ARHGAP21: variants seen among roughly 807,000 people sequenced by gnomAD.
ARHGAP21 encodes the protein rho GTPase-activating protein 21.
In ARHGAP21, 38 loss-of-function variants were observed where a neutral mutation model predicts 164.6. The ratio of observed to expected loss-of-function variants is 0.23; its 90% CI spans 0.18 to 0.30. The LOEUF (loss-of-function observed/expected upper bound fraction) is 0.30, where lower values mean the gene tolerates loss of function less well. Ranked by LOEUF, ARHGAP21 falls within the 10% of genes least tolerant of loss-of-function variation. The probability of loss-of-function intolerance (pLI) is 1.00; values close to 1 mark genes in which losing one functional copy is unlikely to be tolerated. For synonymous variants in ARHGAP21, 766 were observed against 857.9 expected (o/e 0.89, Z 1.87); for missense variants, 1,822 against 2,370.7 (o/e 0.77, Z 4.81).
intron 2 of ARHGAP21, among the ~76,000 whole-genome samples, chr10:24,699,509 G>A (rs1843457185): frequency 6.6e-6 from 1 of 151,936 alleles, no homozygotes; most frequent in Admixed American, 6.6e-5. Flanking sequence ...ATTTTTAGTA[G>A]AGATAGGGTT....
intron 2 of ARHGAP21, among the ~76,000 whole-genome samples, chr10:24,708,701 G>T (rs545479373): frequency 5.9e-5 from 9 of 152,258 alleles, no homozygotes; most frequent in South Asian, 2.1e-4. Context: ...TGCTTGGTTT[G>T]TTTCACTTAA....
intron 7 of ARHGAP21, among the ~76,000 whole-genome samples, chr10:24,623,624 A>C (rs989848490): frequency 1.3e-5 from 2 of 152,204 alleles, no homozygotes; most frequent in Admixed American, 1.3e-4. Flanking sequence ...TCTGGATGAG[A>C]GAATACTGTA....
intron 21 of ARHGAP21, among the ~76,000 whole-genome samples, chr10:24,594,353 A>T (rs1042512112): frequency 1.3e-5 from 2 of 152,214 alleles, no homozygotes; most frequent in Non-Finnish European, 2.9e-5. Context: ...CAATCAAGAA[A>T]AACTGAATGG....
At chr10:24,667,714 T>G (rs1176271640) in intron 3 of ARHGAP21, among the ~76,000 whole-genome samples, 2 of 152,130 alleles carry the variant, frequency 1.3e-5, no homozygotes, top group African/African-American at 4.8e-5. Context: ...GGGCTGATAA[T>G]TTATTACATA....
rs530246923 is a variant in ARHGAP21, at chr10:24,663,615, G to A, written c.268+3370C>T. Among the ~76,000 whole-genome samples the A allele has an allele frequency of 1.2e-4, 18 of 152,216 alleles. No individual in the cohort carries two copies. The East Asian group carries it at 3.3e-3, about 28-fold the overall frequency. ...GCAATCTTGGCTCACTGCAACCTCC[G>A]CCTCCCAGGTTCAAGCGATTCTCCT... On this transcript the variant is annotated intron_variant, in intron 4 of 25. Coordinates refer to ENST00000396432, the MANE Select transcript of ARHGAP21 (RefSeq NM_020824.4).
intron 4 of ARHGAP21, among the ~76,000 whole-genome samples, chr10:24,661,194 A>G (rs2131672894): frequency 6.6e-6 from 1 of 150,748 alleles, no homozygotes; most frequent in Non-Finnish European, 1.5e-5. Context: ...GATTTAAGGG[A>G]ATACAGGATG....
chr10:24,584,893 C>G lies in ARHGAP21; in HGVS notation c.5396G>C (p.Arg1799Pro). ...GTGCCCTCCTAGTGTATGTCTGCGC[C>G]GGATGCTTTTCCTTTTAGCAGTCTC... ...NAETAKRKSI[R>P]RRHTLGGHRD... The change falls in exon 26 of 26, where the codon CGG becomes CCG. Residue 1799 changes from arginine to proline, a missense_variant. Transcript: ENST00000396432. 1 of 1,613,896 alleles carries G rather than the reference C, an allele frequency of 6.2e-7. No homozygotes were observed.
chr10:24,638,870 T>C (rs1836679828), intron 4 of ARHGAP21, among the ~76,000 whole-genome samples: 2 of 152,198 alleles, frequency 1.3e-5, no homozygotes, highest in African/African-American at 4.8e-5. Flanking sequence ...TTTTATGTTA[T>C]AATATATAAT....
At chr10:24,721,766 C>A (rs560327190) in intron 2 of ARHGAP21, 71 bp downstream of exon 2, 2 of 1,573,828 alleles carry the variant, frequency 1.3e-6, no homozygotes, top group South Asian at 2.3e-5. Context: ...TGGCCGGTAA[C>A]CCCCAACTTG....
chr10:24,601,025 C>T (rs1372688982), intron 13 of ARHGAP21, 95 bp from the exon 14 acceptor site: 12 of 1,402,898 alleles, frequency 8.6e-6, no homozygotes, highest in Non-Finnish European at 1.2e-5. Flanking sequence ...TCTGCATTTA[C>T]ATATAACTAG....
chr10:24,656,297 G>A (rs1270931115), intron 4 of ARHGAP21, among the ~76,000 whole-genome samples: 14 of 106,528 alleles, frequency 1.3e-4, no homozygotes, highest in African/African-American at 5.8e-4. Context: ...TGGGAAGTGA[G>A]GAGCCCCTCA....
At chr10:24,665,425 T>C (rs747967834) in intron 4 of ARHGAP21, among the ~76,000 whole-genome samples, 1 of 152,096 alleles carries the variant, frequency 6.6e-6, no homozygotes, top group Non-Finnish European at 1.5e-5. Context: ...GGTATATTCA[T>C]ACAAACGAAA....
intron 10 of ARHGAP21, 36 bp from the exon 11 acceptor site, chr10:24,607,637 C>T (rs760149828): frequency 6.2e-7 from 1 of 1,611,200 alleles, no homozygotes; most frequent in Non-Finnish European, 8.5e-7. Context: ...TAGACATTCA[C>T]AAGTGGTTCC....
intron 25 of ARHGAP21, among the ~76,000 whole-genome samples, chr10:24,587,532 G>T (rs920866652): frequency 6.6e-6 from 1 of 152,178 alleles, no homozygotes; most frequent in Non-Finnish European, 1.5e-5. Context: ...TGAAATCACA[G>T]ATGAACAGAA....
intron 21 of ARHGAP21, 144 bp from the exon 22 acceptor site, chr10:24,592,156 ATTTTTTTTTTTT>A (rs57846258): frequency 1.3e-3 from 282 of 213,714 alleles, no homozygotes; most frequent in Non-Finnish European, 1.9e-3. Context: ...TTCTAGCAAG[ATTTTTTTTTTTT>A]TTTTTTTTTT....
intron 2 of ARHGAP21, among the ~76,000 whole-genome samples, chr10:24,690,837 A>AAAAT (rs1555011111): frequency 2.7e-5 from 4 of 147,142 alleles, no homozygotes; most frequent in African/African-American, 1.0e-4. Context: ...CAAAAAAAAA[A>AAAAT]ATATATATAT....
At position 24,626,292 on chromosome 10, in the gene ARHGAP21, C is replaced by T. The variant is rs141579976; in HGVS notation, c.496-3530G>A. Among the ~76,000 whole-genome samples, 232 of 152,246 alleles carry T rather than the reference C, an allele frequency of 1.5e-3. 5 individuals carry two copies. The East Asian group carries it at 0.038, about 25-fold the overall frequency. On this transcript the variant is annotated intron_variant, in intron 7 of 25. Transcript: ENST00000396432. ...GAAGTATTCTCTTTGGTCAGTGCTA[C>T]GGTCTGAATGTTTGTGTGTTCCCCT...
intron 9 of ARHGAP21, among the ~76,000 whole-genome samples, chr10:24,608,882 T>C (rs1379282568): frequency 2.0e-5 from 3 of 152,222 alleles, no homozygotes; most frequent in African/African-American, 7.2e-5. Context: ...TCAGTAAGAA[T>C]GCAGTAATTC....
intron 11 of ARHGAP21, among the ~76,000 whole-genome samples, chr10:24,605,452 T>C (rs1364986648): frequency 6.6e-6 from 1 of 152,138 alleles, no homozygotes. Context: ...TGATACCTTA[T>C]AATGAGGAAG....
Sources: allele counts gnomAD v4.1 joint callset (sites outside exome capture counted in the v4.1 genomes callset), GRCh38; gene constraint gnomAD v4.1.1; transcripts MANE v1.5; gene names NCBI Gene and HGNC (gene_info 2026-07-23, HGNC 2026-07-21).